Variants in EIF3M observed in about 807,000 individuals in gnomAD.
EIF3M encodes eukaryotic translation initiation factor 3 subunit M.
EIF3M carries 25 observed loss-of-function variants against 49.7 expected under a neutral mutation model. The ratio of observed to expected loss-of-function variants is 0.50; its 90% CI spans 0.37 to 0.70. EIF3M has a LOEUF of 0.70. Among genes scored for constraint, EIF3M ranks in the 30% least tolerant of loss-of-function variants. The pLI is 0.00. For missense variants in EIF3M, 350 were observed against 440.0 expected, an observed-to-expected ratio of 0.80 and a Z score of 1.83; for synonymous variants, 156 against 149.8, an observed-to-expected ratio of 1.04 and a Z score of -0.30.
intron 6 of EIF3M, 98 bp from the exon 7 acceptor site, chr11:32,594,816 A>G: frequency 1.9e-6 from 2 of 1,028,244 alleles, no homozygotes; most frequent in Non-Finnish European, 2.9e-6. Flanking sequence ...GGACTGTTAG[A>G]TATTTTGCCG....
intron 9 of EIF3M, chr11:32,601,500 TTAAA>T: frequency 1.6e-5 from 3 of 187,778 alleles, no homozygotes; most frequent in Non-Finnish European, 2.8e-5. Flanking sequence ...CTAGCATTCT[TTAAA>T]AAAAAAAAAA....
chr11:32,587,215 G>A (rs773963985), intron 2 of EIF3M, 71 bp downstream of exon 2: 23 of 1,431,838 alleles, frequency 1.6e-5, no homozygotes, highest in East Asian at 2.5e-5. Context: ...TTATAGAGTC[G>A]TCCCTCATTA....
chr11:32,589,098 G>A lies in EIF3M; in HGVS notation c.401G>A (p.Cys134Tyr). Residue 134 changes from cysteine to tyrosine, a missense_variant, in exon 4 of 11, where the codon TGT (cysteine) becomes TAT (tyrosine). Coordinates refer to ENST00000531120, the MANE Select transcript of EIF3M (RefSeq NM_006360.6). Reference protein sequence around the residue: ...YCSLIKVAASCGAIQYIPTEL... With the variant: ...YCSLIKVAASYGAIQYIPTEL... ...AGCCTTATTAAAGTGGCAGCATCTT[G>A]TGGGGCCATCCAGTACATCCCAACT... The A allele has an allele frequency of 6.2e-7, 1 of 1,614,222 alleles. No homozygotes were observed.
chr11:32,586,758 G>C (rs111461431), intron 1 of EIF3M, among the ~76,000 whole-genome samples: 1,979 of 152,300 alleles, frequency 0.013, 37 homozygotes, highest in African/African-American at 0.045. Context: ...GCAGGGTGCA[G>C]ACTACATGAG....
chr11:32,602,696 C>A lies in EIF3M; in HGVS notation c.*297C>A. 2.2e-6 allele frequency: 2 copies of A among 917,536 alleles called. No homozygotes were observed. Among genetic ancestry groups the A allele is most frequent in the African/African-American group, 1.7e-5 (1 of 59,432 alleles). 56.8% of individuals were successfully genotyped at this position (917,536 alleles called of 1,614,324 possible). On this transcript the variant is annotated 3_prime_UTR_variant, in exon 11 of 11. Transcript: ENST00000531120. ...ATACAATTTCTTCACATTAGAAAAA[C>A]TTGGAAAAGCAAAGACAAACTGTAG...
intron 5 of EIF3M, among the ~76,000 whole-genome samples, 190 bp downstream of exon 5, chr11:32,589,831 C>T (rs1855072427): frequency 6.6e-6 from 1 of 152,130 alleles, no homozygotes; most frequent in African/African-American, 2.4e-5. Flanking sequence ...TTTCCCTCAT[C>T]TTTGAACTTT....
At chr11:32,590,269 T>C (rs763127303) in intron 5 of EIF3M, among the ~76,000 whole-genome samples, 1 of 152,240 alleles carries the variant, frequency 6.6e-6, no homozygotes, top group Non-Finnish European at 1.5e-5. Context: ...ATTACATCCA[T>C]GCCTATTCAT....
chr11:32,587,665 C>T (rs1013850096), intron 2 of EIF3M, among the ~76,000 whole-genome samples: 2 of 152,262 alleles, frequency 1.3e-5, no homozygotes, highest in Admixed American at 1.3e-4. Context: ...AAATGAAGCT[C>T]TTTCCTGTTC....
Position 32,600,740 on chromosome 11 carries a change from G to C in EIF3M, c.851G>C (p.Gly284Ala), listed in dbSNP as rs1310315389. 6.2e-7 allele frequency: 1 copy of C among 1,611,852 alleles called. No individual in the cohort carries two copies. The highest frequency in any genetic ancestry group is 8.5e-7 in the Non-Finnish European group (1 of 1,178,546). ...MAKMRLLTFMGMAVENKEISF... is the reference protein window; with the variant it reads ...MAKMRLLTFMAMAVENKEISF... ...AAAATGAGACTACTTACTTTTATGG[G>C]AATGGCAGTAGAAAATAAGGAAATT... The change falls in exon 9 of 11, where the codon GGA becomes GCA. Residue 284 changes from glycine to alanine, a missense_variant. Gly to Ala is a moderately conservative substitution (Grantham distance 60). Transcript: ENST00000531120.
chr11:32,600,088 C>T (rs1855237706), intron 8 of EIF3M, among the ~76,000 whole-genome samples: 1 of 151,710 alleles, frequency 6.6e-6, no homozygotes, highest in African/African-American at 2.4e-5. Context: ...CTGTATTGGC[C>T]TATAAATGTT....
chr11:32,601,473 T>G, intron 9 of EIF3M: 2 of 244,596 alleles, frequency 8.2e-6, no homozygotes, highest in Non-Finnish European at 1.5e-5. Context: ...CTATATGAGA[T>G]GGTAGGGGAA....
intron 7 of EIF3M, 100 bp downstream of exon 7, chr11:32,595,113 G>A: frequency 1.0e-6 from 1 of 957,146 alleles, no homozygotes; most frequent in South Asian, 1.6e-5. Context: ...AGTGACTAAT[G>A]GCAAGATATG....
chr11:32,591,982 CA>C (rs1439290639), intron 5 of EIF3M: 1 of 262,342 alleles, frequency 3.8e-6, no homozygotes, highest in East Asian at 1.1e-4. Flanking sequence ...TCATATCCTC[CA>C]CTGCTGCCAC....
At chr11:32,584,826 T>C (rs1333310502) in intron 1 of EIF3M, among the ~76,000 whole-genome samples, 1 of 152,192 alleles carries the variant, frequency 6.6e-6, no homozygotes, top group Non-Finnish European at 1.5e-5. Context: ...TGGCGTTTGC[T>C]CTTTGGTATA....
At chr11:32,594,028 T>C in intron 6 of EIF3M, 79 bp downstream of exon 6, 3 of 1,029,104 alleles carry the variant, frequency 2.9e-6, no homozygotes, top group Non-Finnish European at 4.0e-6. Context: ...GTAACTGAAA[T>C]CATGTTTGCA....
chr11:32,594,340 T>C (rs1413469013), intron 6 of EIF3M: 2 of 163,206 alleles, frequency 1.2e-5, no homozygotes, highest in Admixed American at 1.3e-4. Context: ...ATCTAACTGG[T>C]AACAAGAATA....
intron 9 of EIF3M, 30 bp from the exon 10 acceptor site, chr11:32,601,732 T>C (rs1565051866): frequency 6.3e-7 from 1 of 1,597,916 alleles, no homozygotes; most frequent in South Asian, 1.1e-5. Context: ...ATTTTCCATA[T>C]AACATACGAT....
intron 1 of EIF3M, among the ~76,000 whole-genome samples, chr11:32,585,097 C>T (rs1424268609): frequency 6.6e-6 from 1 of 152,142 alleles, no homozygotes; most frequent in Admixed American, 6.5e-5. Context: ...TCTCTCCTCC[C>T]CCCGCCCCAT....
At chr11:32,593,507 C>T (rs1334379257) in intron 5 of EIF3M, among the ~76,000 whole-genome samples, 1 of 152,150 alleles carries the variant, frequency 6.6e-6, no homozygotes, top group Admixed American at 6.5e-5. Flanking sequence ...TTCATGAACC[C>T]AGCTCTTTTC....
Sources: gnomAD v4.1 joint callset for allele counts (sites outside exome capture counted in the v4.1 genomes callset) on GRCh38, gnomAD v4.1.1 for gene constraint, MANE v1.5 for transcripts, NCBI Gene and HGNC (gene_info 2026-07-23, HGNC 2026-07-21) for gene names.